The following KCNH1 variants were observed in gnomAD, a reference collection of about 807,000 sequenced individuals.
The protein encoded by KCNH1 is potassium voltage-gated channel subfamily H member 1.
A neutral mutation model predicts 69.2 loss-of-function variants in KCNH1; 27 were observed. The ratio of observed to expected loss-of-function variants is 0.39; its 90% CI spans 0.29 to 0.54. The LOEUF is 0.54. Ranked by LOEUF, KCNH1 falls within the 20% of genes least tolerant of loss-of-function variation. KCNH1 has a pLI of 0.68. For missense variants in KCNH1, 798 were observed against 1,261.6 expected (o/e 0.63, Z 5.57); for synonymous variants, 456 against 487.7 (o/e 0.93, Z 0.86).
At chr1:210,886,032 A>G (rs1033638003) in intron 7 of KCNH1, among the ~76,000 whole-genome samples, 7 of 152,194 alleles carry the variant, frequency 4.6e-5, no homozygotes, top group African/African-American at 1.7e-4. Flanking sequence ...CCAGCACAGC[A>G]CTTGAGCTCT....
intron 7 of KCNH1, among the ~76,000 whole-genome samples, chr1:210,865,770 T>C (rs1368807338): frequency 2.0e-5 from 3 of 152,192 alleles, no homozygotes; most frequent in African/African-American, 7.2e-5. Context: ...TTTTTCAAAC[T>C]GGAATAAGGC....
At chr1:210,797,790 G>A in intron 8 of KCNH1, 30 bp from the exon 9 acceptor site, 1 of 1,595,320 alleles carries the variant, frequency 6.3e-7, no homozygotes, top group Non-Finnish European at 8.6e-7. Flanking sequence ...AACAGTGTGA[G>A]GGTCCTCACT....
chr1:210,729,979 G>A (rs1174111789), intron 10 of KCNH1, among the ~76,000 whole-genome samples: 2 of 152,124 alleles, frequency 1.3e-5, no homozygotes, highest in African/African-American at 4.8e-5. Context: ...GGCTGATGAG[G>A]TCGGTCAAGA....
At position 211,117,336 on chromosome 1, in the gene KCNH1, C is replaced by A. The variant is rs182896993; in HGVS notation, c.80-9959G>T. 3.2e-3 allele frequency among the ~76,000 whole-genome samples: 491 copies of A among 152,206 alleles called. 3 individuals carry two copies. Among genetic ancestry groups the A allele is most frequent in the African/African-American group, 0.011 (472 of 41,514 alleles). The stretch of plus-strand genomic sequence containing the variant: ...TTCACGCCTTGTGTAGCTCTCTCCC[C>A]CTTGCATCTGGGTGGCCTATGATTT... On this transcript the variant is annotated intron_variant, in intron 1 of 10. Coordinates refer to ENST00000271751, the MANE Select transcript of KCNH1 (RefSeq NM_172362.3).
intron 6 of KCNH1, among the ~76,000 whole-genome samples, chr1:211,013,617 G>T (rs35019263): frequency 0.42 from 63,897 of 152,052 alleles, 14,428 homozygotes; most frequent in African/African-American, 0.57. Context: ...CTAGAGTCCG[G>T]TTTCACTACC....
At chr1:211,022,886 T>C (rs951800406) in intron 5 of KCNH1, among the ~76,000 whole-genome samples, 18 of 151,230 alleles carry the variant, frequency 1.2e-4, no homozygotes, top group African/African-American at 4.4e-4. Flanking sequence ...CCGAGGAGGG[T>C]GGATCACCTG....
chr1:211,128,230 A>C (rs1462311398), intron 1 of KCNH1, among the ~76,000 whole-genome samples: 1 of 149,980 alleles, frequency 6.7e-6, no homozygotes, highest in Non-Finnish European at 1.5e-5. Context: ...CGGAGGTTGC[A>C]GTGAGCCGAG....
intron 1 of KCNH1, among the ~76,000 whole-genome samples, chr1:211,125,896 A>G (rs996151108): frequency 2.6e-5 from 4 of 152,244 alleles, no homozygotes; most frequent in Admixed American, 1.3e-4. Context: ...ATTTTACTTT[A>G]CATAATGAAC....
intron 6 of KCNH1, among the ~76,000 whole-genome samples, chr1:210,957,590 G>T (rs964534605): frequency 6.6e-6 from 1 of 152,100 alleles, no homozygotes; most frequent in South Asian, 2.1e-4. Flanking sequence ...TTATGAATCT[G>T]GGTGCTCCTG....
At chr1:210,799,960 T>C (rs1684398338) in intron 8 of KCNH1, among the ~76,000 whole-genome samples, 1 of 152,224 alleles carries the variant, frequency 6.6e-6, no homozygotes, top group African/African-American at 2.4e-5. Context: ...CCCCTCCAGG[T>C]GACACTTTTC....
Position 210,683,886 on chromosome 1 carries a change from T to G in KCNH1, c.2365A>C (p.Thr789Pro). The change falls in exon 11 of 11, where the codon ACC (threonine) becomes CCC (proline). Residue 789 changes from threonine to proline, a missense_variant. Thr to Pro is a conservative substitution (Grantham distance 38). Transcript: ENST00000271751. The surrounding 1 kb of genome is among the most constrained non-coding windows in gnomAD (Gnocchi z 5.7). ...NHSLVKASVV[T>P]VRESPATPVS... ...GGCGTGGCAGGACTCTCACGCACGG[T>G]GACCACGCTGGCCTTCACGAGGCTG... is the stretch of plus-strand genomic sequence containing the variant. The G allele has an allele frequency of 6.2e-7, 1 of 1,614,002 alleles. No individual in the cohort carries two copies. The highest frequency in any genetic ancestry group is 8.5e-7 in the Non-Finnish European group (1 of 1,179,878).
chr1:210,957,841 C>T (rs1688209236), intron 6 of KCNH1, among the ~76,000 whole-genome samples: 1 of 152,160 alleles, frequency 6.6e-6, no homozygotes, highest in Non-Finnish European at 1.5e-5. Flanking sequence ...GAATACAGCA[C>T]ACTGATGGGT....
intron 8 of KCNH1, among the ~76,000 whole-genome samples, chr1:210,798,435 G>T (rs907792610): frequency 1.3e-5 from 2 of 152,188 alleles, no homozygotes; most frequent in South Asian, 4.1e-4. Flanking sequence ...AAGGCCCTAA[G>T]AGAACTTGAG....
chr1:210,942,242 GAAAAC>G (rs1320856847), intron 6 of KCNH1, among the ~76,000 whole-genome samples: 1 of 152,050 alleles, frequency 6.6e-6, no homozygotes, highest in Non-Finnish European at 1.5e-5. Context: ...TTCTTGTTAG[GAAAAC>G]AACAACAAAA....
intron 7 of KCNH1, among the ~76,000 whole-genome samples, chr1:210,863,757 C>T (rs1373115531): frequency 6.6e-6 from 1 of 152,208 alleles, no homozygotes; most frequent in East Asian, 1.9e-4. Flanking sequence ...TCATGAAAGG[C>T]TGCAGCCAGA....
At chr1:211,004,325 C>A (rs992447966) in intron 6 of KCNH1, among the ~76,000 whole-genome samples, 1 of 151,996 alleles carries the variant, frequency 6.6e-6, no homozygotes, top group Non-Finnish European at 1.5e-5. Context: ...AAAGAGGAAA[C>A]AGATATACGT....
intron 10 of KCNH1, among the ~76,000 whole-genome samples, chr1:210,718,430 A>G (rs56991470): frequency 0.021 from 46 of 2,198 alleles, no homozygotes; most frequent in Non-Finnish European, 0.037. Flanking sequence ...TAAAATATAT[A>G]CATATATGTA....
chr1:211,127,336 C>G (rs906142695), intron 1 of KCNH1, among the ~76,000 whole-genome samples: 3 of 151,868 alleles, frequency 2.0e-5, no homozygotes, highest in African/African-American at 7.3e-5. Flanking sequence ...GTTCCTTCTC[C>G]CTTCCAGCTC....
intron 7 of KCNH1, among the ~76,000 whole-genome samples, chr1:210,829,995 C>T (rs1371310104): frequency 6.6e-6 from 1 of 152,160 alleles, no homozygotes; most frequent in East Asian, 1.9e-4. Context: ...ATATGTTCCA[C>T]AAGGGAAAGT....
Sources: allele counts gnomAD v4.1 joint callset (sites outside exome capture counted in the v4.1 genomes callset), GRCh38; gene constraint gnomAD v4.1.1; non-coding constraint Gnocchi (gnomAD v3.1); transcripts MANE v1.5; gene names NCBI Gene and HGNC (gene_info 2026-07-23, HGNC 2026-07-21).